The following SMYD3 variants were observed in gnomAD, a reference collection of about 807,000 sequenced individuals.
SMYD3 encodes histone-lysine N-methyltransferase SMYD3.
In SMYD3, 36 loss-of-function variants were observed where a neutral mutation model predicts 57.7. That is an observed-to-expected ratio of 0.62 (90% confidence interval 0.48 to 0.82). The LOEUF is 0.82. SMYD3 is among the 40% of genes least tolerant of loss of function. The pLI, the probability that SMYD3 is intolerant of heterozygous loss-of-function variation, is 0.00. For synonymous variants in SMYD3, 211 were observed against 195.0 expected, an observed-to-expected ratio of 1.08 and a Z score of -0.68; for missense variants, 515 against 538.8, an observed-to-expected ratio of 0.96 and a Z score of 0.44.
At chr1:245,932,725 AT>A (rs1329661235) in intron 5 of SMYD3, among the ~76,000 whole-genome samples, 1 of 152,078 alleles carries the variant, frequency 6.6e-6, no homozygotes, top group Non-Finnish European at 1.5e-5. Context: ...CCTCTGACTA[AT>A]TTTTTAAAAC....
At position 246,001,198 on chromosome 1, in the gene SMYD3, A is replaced by G. The variant is rs1175299269; in HGVS notation, c.532-71261T>C. ...GCTGCCTTCCCACCTATTCACCTGAAGTTCCTTGTAATTTGTTAGTGTGAA... is the reference window on the plus strand; with the variant it reads ...GCTGCCTTCCCACCTATTCACCTGAGGTTCCTTGTAATTTGTTAGTGTGAA... On this transcript the variant is annotated intron_variant, in intron 5 of 11. Transcript: ENST00000490107. 3.9e-5 allele frequency among the ~76,000 whole-genome samples: 6 copies of G among 152,334 alleles called. No homozygotes were observed. The East Asian group carries it at 1.2e-3, about 29-fold the overall frequency.
chr1:245,901,195 G>A (rs12565997), intron 8 of SMYD3, among the ~76,000 whole-genome samples: 18,401 of 152,110 alleles, frequency 0.12, 1,297 homozygotes, highest in East Asian at 0.35. Context: ...CTGGGTGTCA[G>A]ACTTGGTTTT....
At chr1:245,941,727 T>C (rs1008732254) in intron 5 of SMYD3, among the ~76,000 whole-genome samples, 4 of 152,112 alleles carry the variant, frequency 2.6e-5, no homozygotes, top group African/African-American at 9.7e-5. Flanking sequence ...TTCAACATGT[T>C]GGCCAGGCTG....
chr1:246,279,122 C>A (rs1198145758), intron 5 of SMYD3, among the ~76,000 whole-genome samples: 1 of 152,212 alleles, frequency 6.6e-6, no homozygotes, highest in African/African-American at 2.4e-5. Flanking sequence ...TCCTTTAAAG[C>A]CAGGGCCTTA....
intron 10 of SMYD3, among the ~76,000 whole-genome samples, chr1:245,816,293 G>C (rs111738826): frequency 6.6e-6 from 1 of 152,078 alleles, no homozygotes; most frequent in South Asian, 2.1e-4. Flanking sequence ...GAGTACTCCC[G>C]GGGTGGCTAG....
chr1:245,858,974 A>G (rs1193825395), intron 9 of SMYD3, among the ~76,000 whole-genome samples: 1 of 152,246 alleles, frequency 6.6e-6, no homozygotes, highest in Admixed American at 6.5e-5. Context: ...AAATCTAGTC[A>G]TAAATAAATG....
At chr1:245,873,748 C>A (rs1265545864) in intron 8 of SMYD3, among the ~76,000 whole-genome samples, 1 of 152,208 alleles carries the variant, frequency 6.6e-6, no homozygotes, top group Non-Finnish European at 1.5e-5. Flanking sequence ...GTGGCCACTC[C>A]AGAGACATTC....
intron 2 of SMYD3, among the ~76,000 whole-genome samples, chr1:246,338,237 T>C (rs2065575791): frequency 6.6e-6 from 1 of 152,190 alleles, no homozygotes; most frequent in Admixed American, 6.5e-5. Flanking sequence ...GCTTCACCTA[T>C]CACATCTTAC....
intron 5 of SMYD3, among the ~76,000 whole-genome samples, chr1:246,099,564 G>A (rs189168221): frequency 1.3e-5 from 2 of 152,224 alleles, no homozygotes; most frequent in Admixed American, 6.5e-5. Flanking sequence ...CTGACAACTG[G>A]AGAGAAAAAA....
intron 1 of SMYD3, among the ~76,000 whole-genome samples, chr1:246,442,542 C>T (rs1458715758): frequency 6.0e-5 from 9 of 151,008 alleles, no homozygotes; most frequent in Non-Finnish European, 1.3e-4. Flanking sequence ...GAGCGAAACC[C>T]CTTCTCAAAA....
chr1:245,813,883 T>G (rs1302706868), intron 10 of SMYD3, among the ~76,000 whole-genome samples: 4 of 2,388 alleles, frequency 1.7e-3, no homozygotes, highest in African/African-American at 1.9e-3. Flanking sequence ...TATATATATA[T>G]ATATATATAT....
At chr1:245,753,528 A>G (rs1178426305) in intron 11 of SMYD3, among the ~76,000 whole-genome samples, 1 of 152,214 alleles carries the variant, frequency 6.6e-6, no homozygotes, top group African/African-American at 2.4e-5. Flanking sequence ...TGTCTTGAAC[A>G]TCACCTGGGC....
At chr1:245,755,227 T>A (rs2045558413) in intron 11 of SMYD3, among the ~76,000 whole-genome samples, 1 of 152,238 alleles carries the variant, frequency 6.6e-6, no homozygotes, top group Non-Finnish European at 1.5e-5. Flanking sequence ...TTGTTACTGA[T>A]TTCTAATTTA....
intron 1 of SMYD3, among the ~76,000 whole-genome samples, chr1:246,399,940 C>A (rs1166295151): frequency 2.0e-5 from 3 of 152,070 alleles, no homozygotes; most frequent in Non-Finnish European, 4.4e-5. Flanking sequence ...CTCACTGTAT[C>A]CACGTCCTCA....
intron 2 of SMYD3, among the ~76,000 whole-genome samples, chr1:246,345,610 A>AT (rs1289656212): frequency 6.6e-6 from 1 of 152,170 alleles, no homozygotes; most frequent in African/African-American, 2.4e-5. Context: ...AGCGCTGCAG[A>AT]TTTTTTGATT....
intron 5 of SMYD3, among the ~76,000 whole-genome samples, chr1:245,935,414 G>C (rs950630630): frequency 2.6e-5 from 4 of 152,192 alleles, no homozygotes; most frequent in Non-Finnish European, 4.4e-5. Context: ...ACCTTGGTGA[G>C]GATGTGGAGA....
intron 10 of SMYD3, among the ~76,000 whole-genome samples, chr1:245,807,057 G>A (rs958672607): frequency 1.3e-5 from 2 of 151,994 alleles, no homozygotes; most frequent in African/African-American, 4.8e-5. Flanking sequence ...CAAGAGTGGG[G>A]TGTGGTCAGG....
At chr1:246,360,630 C>T (rs1212881788) in intron 1 of SMYD3, among the ~76,000 whole-genome samples, 1 of 151,968 alleles carries the variant, frequency 6.6e-6, no homozygotes, top group East Asian at 1.9e-4. Context: ...AATAGACAAC[C>T]CAGAAACAAA....
rs138170361 is a variant in SMYD3 at position 246,324,394 on chromosome 1, G to A, written c.531+2807C>T. Among the ~76,000 whole-genome samples, 915 of 121,802 alleles carry A rather than the reference G, an allele frequency of 7.5e-3. 11 individuals are homozygous for A. The highest frequency in any genetic ancestry group is 0.027 in the African/African-American group (849 of 31,482). 79.9% of individuals were successfully genotyped at this position (121,802 alleles called of 152,430 possible). On this transcript the variant is annotated intron_variant, in intron 5 of 11. Transcript: ENST00000490107. ...TGCGCCACTGCACCCTAGCCTGGGC[G>A]ACAAGAGCGAAAACTCCATCTCAAA...
Sources: allele counts gnomAD v4.1 joint callset (sites outside exome capture counted in the v4.1 genomes callset), GRCh38; gene constraint gnomAD v4.1.1; transcripts MANE v1.5; gene names NCBI Gene and HGNC (gene_info 2026-07-23, HGNC 2026-07-21).